Variants in STEEP1 observed in about 807,000 individuals in gnomAD.
STEEP1 encodes the protein STING1 ER exit protein 1.
Under a neutral mutation model 19.2 loss-of-function variants are expected in STEEP1, and 3 were observed. The ratio of observed to expected loss-of-function variants is 0.16; its 90% CI spans 0.07 to 0.40. The LOEUF is 0.40. STEEP1 is among the 10% of genes least tolerant of loss of function. The pLI is 0.99. For synonymous variants in STEEP1, 46 were observed against 63.7 expected (o/e 0.72, Z 1.32); for missense variants, 54 against 177.1 (o/e 0.30, Z 3.94).
chrX:119,539,544 A>AG lies in STEEP1; in HGVS notation c.*182_*183insC. ...AGACTTTATCTCAAAAAAAAAAAAA[A>AG]AAAAAAGAAAGCAAGTTAAATGGAC... On this transcript the variant is annotated 3_prime_UTR_variant, in exon 7 of 7. Transcript: ENST00000644802. 2 of 312,184 alleles carry AG rather than the reference A, an allele frequency of 6.4e-6. No individual in the cohort carries two copies. The highest frequency in any genetic ancestry group is 6.9e-5 in the South Asian group (1 of 14,528). The allele number at this position is 312,184 out of a possible 1,213,427, so 25.7% of individuals were successfully genotyped here.
Position 119,551,880 on chromosome X carries a change from G to A in STEEP1, c.243-6376C>T, listed in dbSNP as rs994281813. Among the ~76,000 whole-genome samples, 3 of 102,690 alleles carry A rather than the reference G, an allele frequency of 2.9e-5. No homozygotes were observed. In the Admixed American group the frequency reaches 3.3e-4, roughly 11 times the overall value. 89.2% of individuals were successfully genotyped at this position (102,690 alleles called of 115,157 possible). On this transcript the variant is annotated intron_variant, in intron 2 of 6. Coordinates refer to ENST00000644802, the MANE Select transcript of STEEP1 (RefSeq NM_022101.4). Reference sequence around the variant, plus strand: ...ACCGGCCACTAACCAGATACCAGTCGCAAGTCCAGGCTTCCAAAACTTTTT... The same window carrying A: ...ACCGGCCACTAACCAGATACCAGTCACAAGTCCAGGCTTCCAAAACTTTTT...
chrX:119,549,699 C>T lies in STEEP1; in HGVS notation c.243-4195G>A, dbSNP rs1183398135. On this transcript the variant is annotated intron_variant, in intron 2 of 6. Transcript: ENST00000644802. The stretch of plus-strand genomic sequence containing the variant: ...AGGGCCTTCGTGCTGCATCATAACA[C>T]GGCAGAAGGGCAAGTAAGTATGAGA... Among the ~76,000 whole-genome samples the T allele has an allele frequency of 1.4e-4, 16 of 112,135 alleles. No homozygotes were observed. The East Asian group carries it at 3.9e-3, about 27-fold the overall frequency.
At position 119,560,304 on chromosome X, in the gene STEEP1, C is replaced by CAA; in HGVS notation, c.204_205dup (p.Cys69PhefsTer52). On this transcript the variant is annotated frameshift_variant, in exon 2 of 7. Transcript: ENST00000644802. LOFTEE classifies it high-confidence loss of function. ...CATAGTCTCCTCATCTTCTGTGTTACAAAACTTATGGGCATGTTTGGCAGC... is the reference window on the plus strand; with the variant it reads ...CATAGTCTCCTCATCTTCTGTGTTACAAAAAACTTATGGGCATGTTTGGCAGC... The CAA allele has an allele frequency of 8.3e-7, 1 of 1,208,619 alleles. No homozygotes were observed. Among genetic ancestry groups the CAA allele is most frequent in the Non-Finnish European group, 1.1e-6 (1 of 892,817 alleles).
Position 119,545,523 on chromosome X carries a change from T to A in STEEP1, c.243-19A>T. 9.0e-7 allele frequency: 1 copy of A among 1,109,183 alleles called. No homozygotes were observed. The highest frequency in any genetic ancestry group is 1.2e-6 in the Non-Finnish European group (1 of 804,222). 91.4% of individuals were successfully genotyped at this position (1,109,183 alleles called of 1,213,427 possible). The stretch of plus-strand genomic sequence containing the variant: ...TTCAGGTCTGCACAGAAAATGGAAG[T>A]TAAAAAGATATGAACAAATCTCATT... On this transcript the variant is annotated intron_variant, in intron 2 of 6. Coordinates refer to ENST00000644802, the MANE Select transcript of STEEP1 (RefSeq NM_022101.4).
intron 2 of STEEP1, among the ~76,000 whole-genome samples, chrX:119,546,075 T>C (rs1178460316): frequency 2.7e-5 from 3 of 109,840 alleles, no homozygotes; most frequent in Non-Finnish European, 5.7e-5. Context: ...GTTGTAGTAA[T>C]AACAACAACA....
intron 1 of STEEP1, 148 bp from the exon 2 acceptor site, chrX:119,560,533 A>G: frequency 2.2e-6 from 1 of 445,862 alleles, no homozygotes; most frequent in Non-Finnish European, 3.9e-6. Context: ...CTATTATTGA[A>G]TGTTCCAACT....
chrX:119,562,101 A>G (rs1488016508), intron 1 of STEEP1, among the ~76,000 whole-genome samples: 1 of 112,524 alleles, frequency 8.9e-6, no homozygotes, highest in African/African-American at 3.2e-5. Context: ...CAAAGCAGAT[A>G]AAGTCTCCGC....
intron 2 of STEEP1, among the ~76,000 whole-genome samples, chrX:119,546,885 G>A (rs750620047): frequency 9.0e-6 from 1 of 111,481 alleles, no homozygotes; most frequent in East Asian, 2.8e-4. Flanking sequence ...TGTAACAAAC[G>A]GTCCTGACTG....
In STEEP1 at chrX:119,565,389, A is replaced by G; in HGVS notation, c.-34T>C. On this transcript the variant is annotated 5_prime_UTR_variant, in exon 1 of 7. Transcript: ENST00000644802. ...AGAGCAATCTGAAAACTCTACGCCA[A>G]GAAGAGGGTCGCCCCGAAATGACGT... 3 of 1,106,268 alleles carry G rather than the reference A, an allele frequency of 2.7e-6. No homozygotes were observed. Among genetic ancestry groups the G allele is most frequent in the African/African-American group, 1.8e-5 (1 of 55,695 alleles). 91.2% of individuals were successfully genotyped at this position (1,106,268 alleles called of 1,213,427 possible).
intron 2 of STEEP1, among the ~76,000 whole-genome samples, chrX:119,555,056 C>G (rs1450108719): frequency 9.2e-6 from 1 of 109,069 alleles, no homozygotes; most frequent in Non-Finnish European, 1.9e-5. Flanking sequence ...CTGCAGTGAG[C>G]TGTGATTGTG....
chrX:119,547,172 T>C (rs1000690645), intron 2 of STEEP1, among the ~76,000 whole-genome samples: 6 of 110,702 alleles, frequency 5.4e-5, no homozygotes, highest in Non-Finnish European at 1.1e-4. Flanking sequence ...CACTTAAAAA[T>C]ATAACTTGGT....
rs201339708 is a variant in STEEP1 at position 119,542,055 on chromosome X, CTTTTTTTTTTT to C, written c.513+439_513+449del. ...TCACTGTCAGAGTTTCTTTTCTTTT[CTTTTTTTTTTT>C]TTTTTTTTTTTTTTTTTTTGAGACA... On this transcript the variant is annotated intron_variant, in intron 5 of 6. Transcript: ENST00000644802. 7.2e-5 allele frequency among the ~76,000 whole-genome samples: 6 copies of C among 82,924 alleles called. No homozygotes were observed. The South Asian group carries it at 1.9e-3, about 26-fold the overall frequency. 72.0% of individuals were successfully genotyped at this position (82,924 alleles called of 115,157 possible). A position where few individuals can be genotyped will look rare whatever the true frequency, so the allele number is the denominator to read the frequency against.
rs780473535 is a variant in STEEP1, at chrX:119,539,802, A to T, written c.607-13T>A. 7.7e-4 allele frequency: 913 copies of T among 1,181,949 alleles called. 11 individuals are homozygous for T. The South Asian group carries it at 0.015, about 20-fold the overall frequency. On this transcript the variant is annotated splice_polypyrimidine_tract_variant and intron_variant, in intron 6 of 6. Transcript: ENST00000644802. ...CTTCCAATTCAGCCTAGAAAGAAAA[A>T]AAAAGCATATGTCTTGATACATGAC...
At chrX:119,559,952 G>A (rs1031337969) in intron 2 of STEEP1, among the ~76,000 whole-genome samples, 2 of 112,017 alleles carry the variant, frequency 1.8e-5, no homozygotes, top group Non-Finnish European at 1.9e-5. Context: ...GGGAGGCTGA[G>A]GCAAGAGAGT....
intron 6 of STEEP1, among the ~76,000 whole-genome samples, chrX:119,540,401 G>A (rs1196028936): frequency 9.0e-6 from 1 of 111,525 alleles, no homozygotes; most frequent in East Asian, 2.8e-4. Flanking sequence ...AAACGACTAT[G>A]GCAAGGTAAA....
chrX:119,558,031 C>T (rs978118020), intron 2 of STEEP1, among the ~76,000 whole-genome samples: 2 of 110,699 alleles, frequency 1.8e-5, no homozygotes, highest in African/African-American at 3.3e-5. Flanking sequence ...CCCAGCCTCC[C>T]GAGTAGCTGG....
At chrX:119,547,712 C>G (rs1176123174) in intron 2 of STEEP1, among the ~76,000 whole-genome samples, 1 of 111,393 alleles carries the variant, frequency 9.0e-6, no homozygotes, top group Non-Finnish European at 1.9e-5. Flanking sequence ...TTTCTGTGGT[C>G]AAACCAATCT....
chrX:119,545,550 T>C, intron 2 of STEEP1, 46 bp from the exon 3 acceptor site: 12 of 903,532 alleles, frequency 1.3e-5, no homozygotes, highest in Non-Finnish European at 1.8e-5. Context: ...AATCTCATTA[T>C]GTATCAACCT....
chrX:119,556,712 G>A (rs192301755), intron 2 of STEEP1, among the ~76,000 whole-genome samples: 190 of 111,543 alleles, frequency 1.7e-3, no homozygotes, highest in Non-Finnish European at 2.9e-3. Context: ...AGGTGAAGAG[G>A]TAGAGTAGGC....
Sources: gnomAD v4.1 joint callset for allele counts (sites outside exome capture counted in the v4.1 genomes callset) on GRCh38, gnomAD v4.1.1 for gene constraint, MANE v1.5 for transcripts, NCBI Gene and HGNC (gene_info 2026-07-23, HGNC 2026-07-21) for gene names.